NAV3: variants seen among roughly 807,000 people sequenced by gnomAD.
NAV3 encodes pore membrane and/or filament interacting like protein 1.
A neutral mutation model predicts 244.7 loss-of-function variants in NAV3; 87 were observed. The ratio of observed to expected loss-of-function variants is 0.36; its 90% CI spans 0.30 to 0.42. The LOEUF (loss-of-function observed/expected upper bound fraction) is 0.42, where lower values mean the gene tolerates loss of function less well. Ranked by LOEUF, NAV3 falls within the 20% of genes least tolerant of loss-of-function variation. The pLI is 1.00. For missense variants in NAV3, 2,663 were observed against 2,893.3 expected (o/e 0.92, Z 1.83); for synonymous variants, 1,126 against 1,042.2 (o/e 1.08, Z -1.55).
intron 2 of NAV3, among the ~76,000 whole-genome samples, chr12:77,766,861 C>T (rs1323139898): frequency 6.8e-6 from 1 of 146,490 alleles, no homozygotes; most frequent in Non-Finnish European, 1.5e-5. Flanking sequence ...TCCAGCAATT[C>T]TTCCTGCCTC....
At chr12:77,922,310 G>T (rs1887789334) in intron 1 of NAV3, among the ~76,000 whole-genome samples, 3 of 151,996 alleles carry the variant, frequency 2.0e-5, no homozygotes, top group African/African-American at 7.2e-5. Context: ...TTTAATTTTT[G>T]AACTTTTGGA....
intron 15 of NAV3, among the ~76,000 whole-genome samples, chr12:78,120,222 G>A (rs964786522): frequency 1.3e-5 from 2 of 152,102 alleles, no homozygotes; most frequent in Non-Finnish European, 2.9e-5. Flanking sequence ...CTTAAAAGCT[G>A]ATGGTAATAC....
chr12:77,959,583 T>G (rs772592606), intron 3 of NAV3, among the ~76,000 whole-genome samples: 15 of 152,068 alleles, frequency 9.9e-5, no homozygotes, highest in Non-Finnish European at 1.3e-4. Flanking sequence ...CTGACTCTTC[T>G]AAGTAATTAT....
Position 77,771,616 on chromosome 12 carries a change from A to C in NAV3, c.73-168703A>C, listed in dbSNP as rs551443503. On this transcript the variant is annotated intron_variant, in intron 2 of 8. Transcript: ENST00000550042. The stretch of plus-strand genomic sequence containing the variant: ...TGATGAGTTCATGTCCTTTGTAGGG[A>C]CATGGATGAAACTGGAAACCATCAT... Among the ~76,000 whole-genome samples, 69 of 152,350 alleles carry C rather than the reference A, an allele frequency of 4.5e-4. 2 individuals carry two copies. The South Asian group carries it at 0.014, about 31-fold the overall frequency.
At chr12:78,137,470 T>C in intron 19 of NAV3, 105 bp downstream of exon 19, 1 of 1,123,302 alleles carries the variant, frequency 8.9e-7, no homozygotes, top group Non-Finnish European at 1.2e-6. Flanking sequence ...GAAAATAAAC[T>C]AGTGTAATTA....
intron 9 of NAV3, among the ~76,000 whole-genome samples, chr12:78,041,808 G>A (rs1012516058): frequency 1.3e-5 from 2 of 152,138 alleles, no homozygotes; most frequent in African/African-American, 4.8e-5. Context: ...TGAGTATTAA[G>A]GAAGTAAATT....
chr12:77,968,456 G>C (rs1892701700), intron 4 of NAV3, 63 bp from the exon 5 acceptor site: 2 of 1,289,602 alleles, frequency 1.6e-6, no homozygotes, highest in Non-Finnish European at 2.2e-6. Context: ...AATGCATCTA[G>C]AATTTGTTAA....
At chr12:77,686,429 T>C (rs797430) in intron 2 of NAV3, among the ~76,000 whole-genome samples, 69,264 of 109,856 alleles carry the variant, frequency 0.63, 21,175 homozygotes, top group East Asian at 0.89. Context: ...TCTTTCTTTT[T>C]TTTTTTTTTT....
chr12:78,165,588 T>C (rs1197199505), intron 23 of NAV3, among the ~76,000 whole-genome samples: 1 of 151,762 alleles, frequency 6.6e-6, no homozygotes, highest in Non-Finnish European at 1.5e-5. Flanking sequence ...CTCCCCACTA[T>C]GGACAAAAAT....
At chr12:77,772,499 TATG>T (rs1316429438) in intron 2 of NAV3, among the ~76,000 whole-genome samples, 1 of 152,196 alleles carries the variant, frequency 6.6e-6, no homozygotes, top group Non-Finnish European at 1.5e-5. Context: ...TGCTAAGACT[TATG>T]ATAAATAGTG....
intron 16 of NAV3, among the ~76,000 whole-genome samples, chr12:78,123,825 C>G (rs1049074132): frequency 6.6e-6 from 1 of 152,118 alleles, no homozygotes; most frequent in Non-Finnish European, 1.5e-5. Flanking sequence ...ACGTAAAGAC[C>G]AGTAAGGGTT....
chr12:77,949,990 T>C (rs985468262), intron 3 of NAV3, among the ~76,000 whole-genome samples: 1 of 152,268 alleles, frequency 6.6e-6, no homozygotes, highest in African/African-American at 2.4e-5. Flanking sequence ...TTTCATGGCT[T>C]GATGGCTCAT....
intron 1 of NAV3, among the ~76,000 whole-genome samples, chr12:77,890,228 A>G: frequency 6.6e-6 from 1 of 152,152 alleles, no homozygotes; most frequent in Non-Finnish European, 1.5e-5. Flanking sequence ...AGTAGCTGAG[A>G]CGACAGGTGC....
intron 23 of NAV3, among the ~76,000 whole-genome samples, chr12:78,167,429 A>G (rs1957824450): frequency 6.6e-6 from 1 of 151,660 alleles, no homozygotes; most frequent in African/African-American, 2.4e-5. Flanking sequence ...GTTCTCTATC[A>G]GGAAAATGTC....
chr12:77,675,949 C>T (rs912633747), intron 2 of NAV3, among the ~76,000 whole-genome samples: 2 of 152,110 alleles, frequency 1.3e-5, no homozygotes, highest in Admixed American at 1.3e-4. Context: ...TGATGTTGAC[C>T]TCTGGATTTC....
chr12:78,209,963 A>C (rs1044458217), intron 39 of NAV3, among the ~76,000 whole-genome samples: 1 of 152,066 alleles, frequency 6.6e-6, no homozygotes, highest in Admixed American at 6.6e-5. Flanking sequence ...TCCTTCTCTC[A>C]AGGGACAGTG....
chr12:77,966,132 A>G (rs1892490629), intron 3 of NAV3, 97 bp from the exon 4 acceptor site: 4 of 1,025,192 alleles, frequency 3.9e-6, no homozygotes, highest in Non-Finnish European at 4.6e-6. Flanking sequence ...AATGTAAACT[A>G]TTCATTCTTT....
chr12:77,941,079 A>C lies in NAV3; in HGVS notation c.362-2A>C. 6.4e-7 allele frequency: 1 copy of C among 1,566,100 alleles called. No homozygotes were observed. Among genetic ancestry groups the C allele is most frequent in the Non-Finnish European group, 8.7e-7 (1 of 1,145,072 alleles). On this transcript the variant is annotated splice_acceptor_variant, in intron 2 of 39. Transcript: ENST00000397909. LOFTEE classifies it high-confidence loss of function. ...CTCTTTTATTTTATCTCTTGGCTTTAGCAAATGAAAAAGTTGAAGATATCA... is the reference window on the plus strand; with the variant it reads ...CTCTTTTATTTTATCTCTTGGCTTTCGCAAATGAAAAAGTTGAAGATATCA...
At chr12:77,858,723 G>A (rs1316665176) in intron 1 of NAV3, among the ~76,000 whole-genome samples, 2 of 151,850 alleles carry the variant, frequency 1.3e-5, no homozygotes, top group Non-Finnish European at 2.9e-5. Context: ...TAAACCCCAG[G>A]AAGAGATTTA....
Sources: gnomAD v4.1 joint callset for allele counts (sites outside exome capture counted in the v4.1 genomes callset) on GRCh38, gnomAD v4.1.1 for gene constraint, MANE v1.5 for transcripts, NCBI Gene and HGNC (gene_info 2026-07-23, HGNC 2026-07-21) for gene names.